ATG7: variants seen among roughly 807,000 people sequenced by gnomAD.
The protein encoded by ATG7 is autophagy related 7.
Under a neutral mutation model 82.4 loss-of-function variants are expected in ATG7, and 70 were observed. That is an observed-to-expected ratio of 0.85 (90% confidence interval 0.70 to 1.04). The LOEUF (loss-of-function observed/expected upper bound fraction) is 1.04. Ranked by LOEUF, ATG7 falls within the 50% of genes least tolerant of loss-of-function variation. The pLI, the probability that ATG7 is intolerant of heterozygous loss-of-function variation, is 0.00. For missense variants in ATG7, 792 were observed against 864.3 expected (o/e 0.92, Z 1.05); for synonymous variants, 287 against 313.0 (o/e 0.92, Z 0.88).
intron 19 of ATG7, among the ~76,000 whole-genome samples, chr3:11,424,720 GCTA>G (rs1354813905): frequency 1.3e-5 from 2 of 151,910 alleles, no homozygotes; most frequent in African/African-American, 4.8e-5. Flanking sequence ...ATCTACAGAG[GCTA>G]CTATTTGATG....
chr3:11,416,108 G>A (rs554981459), intron 19 of ATG7, among the ~76,000 whole-genome samples: 13 of 152,238 alleles, frequency 8.5e-5, no homozygotes, highest in African/African-American at 1.9e-4. Context: ...CATTGGATTC[G>A]ATTTGCTAAT....
chr3:11,307,098 T>C (rs1240761212), intron 6 of ATG7, 38 bp downstream of exon 6: 2 of 1,572,692 alleles, frequency 1.3e-6, no homozygotes, highest in African/African-American at 2.7e-5. Flanking sequence ...TCATATTTCC[T>C]GTGGTCCTGG....
chr3:11,454,603 G>A (rs1259877223), intron 20 of ATG7, among the ~76,000 whole-genome samples: 3 of 152,080 alleles, frequency 2.0e-5, no homozygotes, highest in East Asian at 1.9e-4. Context: ...CCATTATCCC[G>A]GTCTTTCTGG....
At chr3:11,311,670 C>T (rs771397200) in intron 7 of ATG7, among the ~76,000 whole-genome samples, 3 of 150,728 alleles carry the variant, frequency 2.0e-5, no homozygotes, top group South Asian at 4.2e-4. Context: ...TACTAAATAT[C>T]GGTTATGACA....
the ATG7 span, among the ~76,000 whole-genome samples, chr3:11,565,489 C>T: frequency 2.6e-5 from 4 of 152,178 alleles, no homozygotes; most frequent in Non-Finnish European, 1.5e-5. This position sits in a 1 kb window ranked among gnomAD's most constrained non-coding sequence, Gnocchi z 4.1. Context: ...CTGCTCAGCC[C>T]GTCTTCCTAA....
the ATG7 span, among the ~76,000 whole-genome samples, chr3:11,566,587 T>A: frequency 6.6e-6 from 1 of 152,156 alleles, no homozygotes; most frequent in African/African-American, 2.4e-5. Context: ...AATGTTGTGT[T>A]CCGTAGTTCC....
At chr3:11,473,920 A>C (rs781142443) in intron 20 of ATG7, among the ~76,000 whole-genome samples, 1 of 152,200 alleles carries the variant, frequency 6.6e-6, no homozygotes, top group Non-Finnish European at 1.5e-5. Context: ...TTCAAACCTC[A>C]GGTCCCCTGC....
chr3:11,539,170 C>G (rs1052785246), intron 20 of ATG7, among the ~76,000 whole-genome samples: 1 of 152,140 alleles, frequency 6.6e-6, no homozygotes, highest in East Asian at 1.9e-4. Flanking sequence ...GATGTGTACC[C>G]TGCATCAGGT....
intron 18 of ATG7, among the ~76,000 whole-genome samples, chr3:11,372,892 G>GA (rs1491114960): frequency 2.6e-5 from 4 of 151,018 alleles, no homozygotes; most frequent in Non-Finnish European, 5.9e-5. Context: ...CCCTTGTGGG[G>GA]AGAGGGGAGA....
chr3:11,510,260 G>GAGT, intron 20 of ATG7: 1 of 456,618 alleles, frequency 2.2e-6, no homozygotes, highest in East Asian at 7.0e-5. Context: ...GGAGTCGGCT[G>GAGT]CCTGTCCTGA....
At chr3:11,273,813 G>A (rs761207524) in intron 1 of ATG7, among the ~76,000 whole-genome samples, 7 of 152,198 alleles carry the variant, frequency 4.6e-5, no homozygotes, top group Non-Finnish European at 1.0e-4. Context: ...AGGGTTGGTA[G>A]GTGTTTCCGA....
At chr3:11,566,773 G>A in the ATG7 span, among the ~76,000 whole-genome samples, 5 of 152,078 alleles carry the variant, frequency 3.3e-5, no homozygotes, top group Non-Finnish European at 4.4e-5. Context: ...ATCCCCCACC[G>A]TCAATGATCT....
intron 14 of ATG7, chr3:11,348,605 T>C (rs1399020737): frequency 6.6e-6 from 1 of 152,328 alleles, no homozygotes; most frequent in Non-Finnish European, 1.5e-5. Context: ...TTAAAGGTGG[T>C]GTGGACCCAA....
chr3:11,427,296 T>A (rs1352651525), intron 20 of ATG7, among the ~76,000 whole-genome samples: 2 of 152,180 alleles, frequency 1.3e-5, no homozygotes, highest in African/African-American at 4.8e-5. Flanking sequence ...TCCAGCTATG[T>A]TCTTTAGAAA....
intron 20 of ATG7, among the ~76,000 whole-genome samples, chr3:11,513,159 G>C (rs949694838): frequency 6.6e-6 from 1 of 152,260 alleles, no homozygotes; most frequent in African/African-American, 2.4e-5. Flanking sequence ...GTCCCCACCA[G>C]ACTCAGGAGC....
chr3:11,526,301 G>C (rs1379208386), intron 20 of ATG7, among the ~76,000 whole-genome samples: 1 of 152,080 alleles, frequency 6.6e-6, no homozygotes, highest in East Asian at 1.9e-4. Context: ...TGAGGCAAGA[G>C]AGTCACTTGA....
At chr3:11,421,649 C>A (rs1314249849) in intron 19 of ATG7, among the ~76,000 whole-genome samples, 1 of 152,200 alleles carries the variant, frequency 6.6e-6, no homozygotes, top group Non-Finnish European at 1.5e-5. Flanking sequence ...GATATTTTGA[C>A]CTCCTTCCAT....
intron 19 of ATG7, 127 bp downstream of exon 19, chr3:11,380,179 AC>A: frequency 1.3e-6 from 1 of 795,622 alleles, no homozygotes; most frequent in Non-Finnish European, 2.1e-6. Context: ...TGGGGTCTAA[AC>A]CCTCAGAAAG....
intron 19 of ATG7, among the ~76,000 whole-genome samples, chr3:11,382,575 G>A (rs2077992842): frequency 6.6e-6 from 1 of 152,152 alleles, no homozygotes. Context: ...ATTTGTCAAT[G>A]AAATTTCAAA....
Sources: gnomAD v4.1 joint callset for allele counts (sites outside exome capture counted in the v4.1 genomes callset) on GRCh38, gnomAD v4.1.1 for gene constraint, Gnocchi (gnomAD v3.1) non-coding constraint, MANE v1.5 for transcripts, NCBI Gene and HGNC (gene_info 2026-07-23, HGNC 2026-07-21) for gene names.